The following B4GALNT2 variants were observed in gnomAD, a reference collection of about 807,000 sequenced individuals.
B4GALNT2 encodes the protein beta-1,4-N-acetyl-galactosaminyltransferase 2 (SID blood group), also known as N-acetylneuraminylgalactosylglucosyl-glucoside beta-1,4-N- acetylgalactosaminyltransferase 2.
Under a neutral mutation model 51.1 loss-of-function variants are expected in B4GALNT2, and 42 were observed. That is an observed-to-expected ratio of 0.82 (90% CI 0.64 to 1.06). The LOEUF (loss-of-function observed/expected upper bound fraction) is 1.06. B4GALNT2 is among the 50% of genes least tolerant of loss of function. The pLI is 0.00. For missense variants in B4GALNT2, 602 were observed against 633.6 expected (o/e 0.95, Z 0.54); for synonymous variants, 253 against 251.7 (o/e 1.01, Z -0.05).
At chr17:49,127,336 G>A in the B4GALNT2 span, among the ~76,000 whole-genome samples, 30 of 152,136 alleles carry the variant, frequency 2.0e-4, no homozygotes, top group African/African-American at 6.5e-4. Context: ...TAGCCTCTAT[G>A]CCAAATTTTG....
In B4GALNT2 at chr17:49,141,286, C is replaced by G; in HGVS notation, c.54C>G (p.Ile18Met). ...GGCTCCTCAAGATATTGGTCATAAT[C>G]CTGGTACTTGGCATTGTTGGATTTA... Reference protein sequence around the residue: ...FLWLLKILVIILVLGIVGFMF... With the variant: ...FLWLLKILVIMLVLGIVGFMF... The change falls in exon 2 of 11, where the codon ATC becomes ATG. Residue 18 changes from isoleucine to methionine, a missense_variant. Ile to Met is a conservative substitution (Grantham distance 10). Coordinates refer to ENST00000393354, the MANE Select transcript of B4GALNT2 (RefSeq NM_001159387.2). 2 of 1,614,080 alleles carry G rather than the reference C, an allele frequency of 1.2e-6. No individual in the cohort carries two copies. Among genetic ancestry groups the G allele is most frequent in the Non-Finnish European group, 1.7e-6 (2 of 1,179,996 alleles).
At chr17:49,131,230 A>G (rs1188809608), upstream of B4GALNT2, among the ~76,000 whole-genome samples, 3 of 152,182 alleles carry the variant, frequency 2.0e-5, no homozygotes, top group African/African-American at 7.2e-5. Flanking sequence ...ACATGCACGT[A>G]GTCGGTACAA....
Position 49,152,842 on chromosome 17 carries a change from C to A in B4GALNT2, c.396C>A (p.Asn132Lys). Residue 132 changes from asparagine (N) to lysine (K), a missense_variant, in exon 4 of 11, where the codon AAC becomes AAA. By Grantham distance (94) the Asn-to-Lys change is moderately conservative. Transcript: ENST00000393354. ...PRPLPLLVQP[N>K]LPFGYPVHGV... ...CACTGCCCCTGCTGGTCCAGCCCAA[C>A]CTCCCCTTTGGGTACCCAGTCCACG... The A allele has an allele frequency of 6.2e-7, 1 of 1,610,946 alleles. No homozygotes were observed. Among genetic ancestry groups the A allele is most frequent in the African/African-American group, 1.3e-5 (1 of 74,954 alleles).
chr17:49,135,451 A>G (rs2042580969), intron 1 of B4GALNT2, among the ~76,000 whole-genome samples: 1 of 150,684 alleles, frequency 6.6e-6, no homozygotes, highest in Non-Finnish European at 1.5e-5. Context: ...CCTAAGATGG[A>G]GTTTCACCAT....
At chr17:49,141,145 T>C (rs368436642) in intron 1 of B4GALNT2, 102 bp from the exon 2 acceptor site, 12 of 1,108,286 alleles carry the variant, frequency 1.1e-5, no homozygotes, top group African/African-American at 6.2e-5. Context: ...CAATATAAGC[T>C]ATGTGCTTAG....
rs927636908 is a variant in B4GALNT2, at chr17:49,138,766, A to G, written c.15-2481A>G. Among the ~76,000 whole-genome samples, 12 of 152,156 alleles carry G rather than the reference A, an allele frequency of 7.9e-5. 1 individual carries two copies. The highest frequency in any genetic ancestry group is 6.5e-5 in the Admixed American group (1 of 15,268). On this transcript the variant is annotated intron_variant, in intron 1 of 10. Coordinates refer to ENST00000393354, the MANE Select transcript of B4GALNT2 (RefSeq NM_001159387.2). ...GTGGTGGGCGCCTGTAATCCCAGCT[A>G]TTCAGGAGGCTGAGGCAGGAGAATC...
intron 3 of B4GALNT2, 27 bp downstream of exon 3, chr17:49,142,199 G>A (rs751565522): frequency 6.2e-7 from 1 of 1,613,292 alleles, no homozygotes. Context: ...AGGCCCTTGG[G>A]TTCTGAGATG....
At chr17:49,132,943 T>G (rs1447737206) in intron 1 of B4GALNT2, 137 bp downstream of exon 1, 2 of 1,386,704 alleles carry the variant, frequency 1.4e-6, no homozygotes, top group Non-Finnish European at 1.9e-6. Flanking sequence ...GCGGTTGGAG[T>G]CTTAAGTCCA....
chr17:49,169,877 A>C lies in B4GALNT2; in HGVS notation c.*149A>C. ...AATGGCTCAGTTACTGGAAGTACCA[A>C]TCAAAGGTGAAGGGTCACTGGAAAT... On this transcript the variant is annotated 3_prime_UTR_variant, in exon 11 of 11. Coordinates refer to ENST00000393354, the MANE Select transcript of B4GALNT2 (RefSeq NM_001159387.2). 1.4e-6 allele frequency: 1 copy of C among 728,514 alleles called. No homozygotes were observed. The highest frequency in any genetic ancestry group is 1.8e-5 in the African/African-American group (1 of 56,264). The allele number at this position is 728,514 out of a possible 1,614,324, so 45.1% of individuals were successfully genotyped here. A position where few individuals can be genotyped will look rare whatever the true frequency, so the allele number is the denominator to read the frequency against.
At chr17:49,136,124 G>A (rs1402649396) in intron 1 of B4GALNT2, among the ~76,000 whole-genome samples, 1 of 150,808 alleles carries the variant, frequency 6.6e-6, no homozygotes, top group African/African-American at 2.4e-5. Flanking sequence ...TTTTATTCAT[G>A]TGGTTATTAT....
At chr17:49,169,327 A>G (rs2144346845) in intron 10 of B4GALNT2, among the ~76,000 whole-genome samples, 196 bp from the exon 11 acceptor site, 1 of 152,264 alleles carries the variant, frequency 6.6e-6, no homozygotes, top group East Asian at 1.9e-4. Flanking sequence ...TGCCTGAGAA[A>G]TGAGCTTATT....
chr17:49,165,065 A>G (rs144108929), intron 8 of B4GALNT2, among the ~76,000 whole-genome samples: 1 of 151,978 alleles, frequency 6.6e-6, no homozygotes, highest in South Asian at 2.1e-4. Context: ...CCTTTCACCT[A>G]GGCTTCCCAA....
chr17:49,159,575 C>T (rs1567864239), intron 6 of B4GALNT2, among the ~76,000 whole-genome samples: 2 of 152,082 alleles, frequency 1.3e-5, no homozygotes, highest in Non-Finnish European at 2.9e-5. Flanking sequence ...CTCCTGACCT[C>T]GTGATCCACC....
At chr17:49,132,674 C>A, upstream of B4GALNT2, 1 of 1,223,410 alleles carries the variant, frequency 8.2e-7, no homozygotes, top group East Asian at 3.2e-5. Context: ...CCGTCCCAAG[C>A]GTCCTGCACC....
At chr17:49,144,569 C>A (rs1263560451) in intron 3 of B4GALNT2, among the ~76,000 whole-genome samples, 3 of 152,146 alleles carry the variant, frequency 2.0e-5, no homozygotes, top group Non-Finnish European at 4.4e-5. Context: ...TGATCTTGGG[C>A]AAGCTGCTTA....
At chr17:49,142,495 G>A (rs1194848074) in intron 3 of B4GALNT2, among the ~76,000 whole-genome samples, 3 of 151,782 alleles carry the variant, frequency 2.0e-5, no homozygotes, top group East Asian at 1.9e-4. Flanking sequence ...TTTGAGACCA[G>A]CTTGGGCAAT....
intron 4 of B4GALNT2, among the ~76,000 whole-genome samples, chr17:49,154,148 T>G (rs1267821243): frequency 2.0e-5 from 3 of 151,740 alleles, no homozygotes; most frequent in African/African-American, 7.3e-5. Flanking sequence ...GGATTACAAG[T>G]GCCCACCACA....
rs1400475757 is a variant in B4GALNT2 at position 49,176,523 on chromosome 17, C to T, written c.*6795C>T. 2.0e-5 allele frequency: 3 copies of T among 152,250 alleles called. No homozygotes were observed. The highest frequency in any genetic ancestry group is 4.4e-5 in the Non-Finnish European group (3 of 68,054). The allele number at this position is 152,250 out of a possible 1,614,324, so 9.4% of individuals were successfully genotyped here. A position where few individuals can be genotyped will look rare whatever the true frequency, so the allele number is the denominator to read the frequency against. ...CATGCTATTGTTTGTGGCTTAGGAA[C>T]ACCTTAAGAGGTTTTCCCCCCTGGG... On this transcript the variant is annotated 3_prime_UTR_variant, in exon 11 of 11. Coordinates refer to ENST00000393354, the MANE Select transcript of B4GALNT2 (RefSeq NM_001159387.2).
Position 49,176,098 on chromosome 17 carries a change from A to T in B4GALNT2, c.*6370A>T, listed in dbSNP as rs898644071. 2.0e-5 allele frequency: 3 copies of T among 152,148 alleles called. No individual in the cohort carries two copies. Among genetic ancestry groups the T allele is most frequent in the African/African-American group, 7.2e-5 (3 of 41,414 alleles). 9.4% of individuals were successfully genotyped at this position (152,148 alleles called of 1,614,324 possible). ...GCTCCCCTTCTTACTCACCATGGGG[A>T]TTGCTTAAGGGTACTCGGGTGTCCT... is the stretch of plus-strand genomic sequence containing the variant. On this transcript the variant is annotated 3_prime_UTR_variant, in exon 11 of 11. Coordinates refer to ENST00000393354, the MANE Select transcript of B4GALNT2 (RefSeq NM_001159387.2).
Sources: allele counts gnomAD v4.1 joint callset (sites outside exome capture counted in the v4.1 genomes callset), GRCh38; gene constraint gnomAD v4.1.1; transcripts MANE v1.5; gene names NCBI Gene and HGNC (gene_info 2026-07-23, HGNC 2026-07-21).